RASSF3: variants seen among roughly 807,000 people sequenced by gnomAD.
RASSF3 encodes the protein Ras association domain family member 3.
RASSF3 carries 19 observed loss-of-function variants against 19.9 expected under a neutral mutation model. The ratio of observed to expected loss-of-function variants is 0.96; its 90% CI spans 0.67 to 1.40. The LOEUF is 1.40. RASSF3 is among the 40% of genes most tolerant of loss of function. The pLI is 0.00. For synonymous variants in RASSF3, 110 were observed against 104.2 expected, an observed-to-expected ratio of 1.06 and a Z score of -0.34; for missense variants, 306 against 289.8, an observed-to-expected ratio of 1.06 and a Z score of -0.41.
At chr12:64,542,331 C>A (rs1868947759), downstream of RASSF3, among the ~76,000 whole-genome samples, 1 of 151,786 alleles carries the variant, frequency 6.6e-6, no homozygotes, top group South Asian at 2.1e-4. Flanking sequence ...GATCCCACCT[C>A]AAAAAAACAA....
At chr12:64,655,613 T>G (rs1872129573) in intron 1 of RASSF3, among the ~76,000 whole-genome samples, 1 of 152,158 alleles carries the variant, frequency 6.6e-6, no homozygotes. Context: ...ATGCCTGGTC[T>G]TGAAATGCAT....
intron 2 of RASSF3, among the ~76,000 whole-genome samples, chr12:64,686,452 A>G (rs1029373095): frequency 2.0e-5 from 3 of 152,198 alleles, no homozygotes; most frequent in African/African-American, 7.2e-5. Context: ...CTCTACTAAA[A>G]ATACAAAAAT....
intron 2 of RASSF3, 132 bp downstream of exon 2, chr12:64,685,026 G>A (rs1289275607): frequency 2.8e-5 from 16 of 566,954 alleles, no homozygotes; most frequent in Non-Finnish European, 4.4e-5. Context: ...TACAGAACAG[G>A]AAAGTGGAAT....
intron 2 of RASSF3, among the ~76,000 whole-genome samples, chr12:64,585,903 G>A (rs1351350318): frequency 7.2e-5 from 11 of 152,146 alleles, no homozygotes; most frequent in African/African-American, 2.7e-4. Context: ...GGTGCACCTG[G>A]CCAAGTCTTT....
intron 1 of RASSF3, among the ~76,000 whole-genome samples, chr12:64,516,560 A>T (rs1337371902): frequency 6.7e-6 from 1 of 148,538 alleles, no homozygotes. Flanking sequence ...CGGAGCTTGC[A>T]GTGAGCCGAG....
intron 2 of RASSF3, among the ~76,000 whole-genome samples, chr12:64,558,955 C>A (rs941108692): frequency 6.6e-6 from 1 of 152,182 alleles, no homozygotes; most frequent in African/African-American, 2.4e-5. Flanking sequence ...CCTAGGGACA[C>A]CGTGCTCTAC....
Position 64,610,511 on chromosome 12 carries a change from C to A in RASSF3, c.-122C>A. The A allele has an allele frequency of 3.0e-6, 1 of 334,438 alleles. No homozygotes were observed. Among genetic ancestry groups the A allele is most frequent in the Non-Finnish European group, 5.2e-6 (1 of 191,500 alleles). The allele number at this position is 334,438 out of a possible 1,614,324, so 20.7% of individuals were successfully genotyped here. A position where few individuals can be genotyped will look rare whatever the true frequency, so the allele number is the denominator to read the frequency against. ...GGAGAGCCTGATTGAGCGGCGGCCGCAGCTGCATAAGGACTGCCCGGGGCT... is the reference window on the plus strand; with the variant it reads ...GGAGAGCCTGATTGAGCGGCGGCCGAAGCTGCATAAGGACTGCCCGGGGCT... On this transcript the variant is annotated 5_prime_UTR_variant, in exon 1 of 5. Transcript: ENST00000542104.
At chr12:64,646,908 T>C (rs1592442009) in intron 1 of RASSF3, among the ~76,000 whole-genome samples, 2 of 152,340 alleles carry the variant, frequency 1.3e-5, no homozygotes, top group South Asian at 2.1e-4. Flanking sequence ...GTTCATTTAC[T>C]TTCTATCATG....
chr12:64,693,312 G>A (rs1379608112), intron 4 of RASSF3, among the ~76,000 whole-genome samples: 3 of 151,914 alleles, frequency 2.0e-5, no homozygotes, highest in African/African-American at 7.3e-5. Flanking sequence ...CAGGATCCAG[G>A]GCCCCCTTTG....
Position 64,620,014 on chromosome 12 carries a change from C to CTGTGTGTGTGTGTGTGTGTGTG in RASSF3, c.111+9273_111+9294dup, listed in dbSNP as rs68044550. The stretch of plus-strand genomic sequence containing the variant: ...AAAAAAAGAAATTAGTGCAGGTTGA[C>CTGTGTGTGTGTGTGTGTGTGTG]TGTGTGTGTGTGTGTGTGTGTGTAG... On this transcript the variant is annotated intron_variant, in intron 1 of 4. Coordinates refer to ENST00000542104, the MANE Select transcript of RASSF3 (RefSeq NM_178169.4). Among the ~76,000 whole-genome samples the CTGTGTGTGTGTGTGTGTGTGTG allele has an allele frequency of 3.9e-3, 529 of 134,202 alleles. 5 individuals carry two copies. Among genetic ancestry groups the CTGTGTGTGTGTGTGTGTGTGTG allele is most frequent in the South Asian group, 6.7e-3 (27 of 4,030 alleles). The allele number at this position is 134,202 out of a possible 152,430, so 88.0% of individuals were successfully genotyped here.
intron 3 of RASSF3, among the ~76,000 whole-genome samples, chr12:64,689,250 A>G (rs1873484601): frequency 1.1e-5 from 1 of 92,570 alleles, no homozygotes; most frequent in Non-Finnish European, 2.8e-5. Context: ...TGTGTGTACA[A>G]TAAACTATTT....
chr12:64,691,394 G>C (rs1417684008), intron 3 of RASSF3, 76 bp from the exon 4 acceptor site: 7 of 960,224 alleles, frequency 7.3e-6, no homozygotes, highest in South Asian at 1.3e-5. Context: ...TTGATCTGGA[G>C]GAGGGGATCA....
At position 64,559,241 on chromosome 12, in the gene RASSF3, T is replaced by TCTTTC. The variant is rs1235659686; in HGVS notation, c.294+17536_294+17537insCTTTC. 1.0e-3 allele frequency among the ~76,000 whole-genome samples: 150 copies of TCTTTC among 148,550 alleles called. 5 individuals carry two copies. The highest frequency in any genetic ancestry group is 1.1e-3 in the Non-Finnish European group (76 of 66,612). ...TGTGGGTCCATTTTCTTTTCTTCTT[T>TCTTTC]TTTTCTTTTTTTTTTTTTTTGAGGC... On this transcript the variant is annotated intron_variant, in intron 2 of 5. Coordinates refer to the RASSF3 transcript ENST00000637125.
chr12:64,619,772 G>C (rs868177978), intron 1 of RASSF3, among the ~76,000 whole-genome samples: 4 of 152,028 alleles, frequency 2.6e-5, no homozygotes, highest in South Asian at 2.1e-4. Context: ...ACGAGGTCGG[G>C]AGTTCAAGAC....
chr12:64,694,436 G>T (rs892604804), intron 4 of RASSF3, among the ~76,000 whole-genome samples: 1 of 152,172 alleles, frequency 6.6e-6, no homozygotes, highest in African/African-American at 2.4e-5. Flanking sequence ...AAGGACTGTC[G>T]AATTGTTTTT....
At chr12:64,617,021 C>T (rs1870576283) in intron 1 of RASSF3, among the ~76,000 whole-genome samples, 1 of 152,154 alleles carries the variant, frequency 6.6e-6, no homozygotes, top group African/African-American at 2.4e-5. Context: ...GCATTTTTTA[C>T]CTACTACATA....
intron 1 of RASSF3, among the ~76,000 whole-genome samples, chr12:64,514,913 C>T (rs1868351834): frequency 6.6e-6 from 1 of 151,790 alleles, no homozygotes; most frequent in African/African-American, 2.4e-5. Context: ...ATTTGTACTA[C>T]CTTGTTAGTT....
At chr12:64,558,180 A>G (rs1333574054) in intron 2 of RASSF3, among the ~76,000 whole-genome samples, 1 of 152,208 alleles carries the variant, frequency 6.6e-6, no homozygotes, top group Non-Finnish European at 1.5e-5. Context: ...AGTCAGCAGT[A>G]GCTAAATCAG....
intron 1 of RASSF3, among the ~76,000 whole-genome samples, chr12:64,525,945 G>T (rs925490013): frequency 6.6e-6 from 1 of 152,148 alleles, no homozygotes; most frequent in Non-Finnish European, 1.5e-5. Context: ...AAGTGGGAGT[G>T]ACAAGCCAGG....
Sources: gnomAD v4.1 joint callset for allele counts (sites outside exome capture counted in the v4.1 genomes callset) on GRCh38, gnomAD v4.1.1 for gene constraint, MANE v1.5 for transcripts, NCBI Gene and HGNC (gene_info 2026-07-23, HGNC 2026-07-21) for gene names.